Variants in WDFY4 observed in about 807,000 individuals in gnomAD.
WDFY4 encodes the protein WD repeat- and FYVE domain-containing protein 4.
A neutral mutation model predicts 351.9 loss-of-function variants in WDFY4; 169 were observed. The observed-to-expected ratio is 0.48, with a 90% CI of 0.42 to 0.55. The LOEUF (loss-of-function observed/expected upper bound fraction) is 0.55. WDFY4 is among the 20% of genes least tolerant of loss of function. The pLI, the probability that WDFY4 is intolerant of heterozygous loss-of-function variation, is 0.00. For synonymous variants in WDFY4, 1,622 were observed against 1,574.6 expected (o/e 1.03, Z -0.71); for missense variants, 3,803 against 3,935.6 (o/e 0.97, Z 0.90).
intron 57 of WDFY4, among the ~76,000 whole-genome samples, chr10:48,974,167 T>C (rs1335682372): frequency 1.3e-5 from 2 of 152,114 alleles, no homozygotes; most frequent in Non-Finnish European, 2.9e-5. Context: ...AGCCTGCTGG[T>C]GTGGGCACCA....
intron 47 of WDFY4, among the ~76,000 whole-genome samples, chr10:48,931,728 A>C (rs1054606347): frequency 2.0e-5 from 3 of 152,226 alleles, no homozygotes; most frequent in Admixed American, 2.0e-4. Context: ...TTCTGTAGAA[A>C]CTTTTCCTAA....
At chr10:48,820,526 G>A in intron 33 of WDFY4, 89 bp downstream of exon 33, 2 of 1,401,266 alleles carry the variant, frequency 1.4e-6, no homozygotes, top group South Asian at 1.4e-5. Flanking sequence ...CAGGGAGACA[G>A]AGGGCCTGGG....
chr10:48,791,633 G>T (rs1368985352), intron 23 of WDFY4, among the ~76,000 whole-genome samples: 1 of 152,200 alleles, frequency 6.6e-6, no homozygotes, highest in Non-Finnish European at 1.5e-5. Context: ...GATGAGACAT[G>T]GCCACTGCCC....
At chr10:48,824,279 CTT>C in intron 35 of WDFY4, 2 of 761,798 alleles carry the variant, frequency 2.6e-6, no homozygotes, top group Non-Finnish European at 1.6e-6. Context: ...AGTGGGGTAA[CTT>C]AGCGTCTATG....
At chr10:48,866,519 T>C (rs1180303653) in intron 39 of WDFY4, among the ~76,000 whole-genome samples, 1 of 152,208 alleles carries the variant, frequency 6.6e-6, no homozygotes, top group Non-Finnish European at 1.5e-5. Context: ...TTTTGAGCTA[T>C]TTGAAAATTT....
chr10:48,706,750 T>G (rs906225123), intron 1 of WDFY4, among the ~76,000 whole-genome samples: 3 of 152,234 alleles, frequency 2.0e-5, no homozygotes, highest in African/African-American at 7.2e-5. Context: ...GATTTGTTAT[T>G]TTATCATGAA....
chr10:48,939,296 C>A (rs1032133141), intron 47 of WDFY4, among the ~76,000 whole-genome samples: 3 of 152,234 alleles, frequency 2.0e-5, no homozygotes, highest in Non-Finnish European at 4.4e-5. Context: ...TTGAGTAGCT[C>A]CGTGCCCACA....
At chr10:48,741,467 A>G (rs2064848392) in intron 11 of WDFY4, among the ~76,000 whole-genome samples, 1 of 151,146 alleles carries the variant, frequency 6.6e-6, no homozygotes, top group Admixed American at 6.6e-5. Context: ...AAAAAAAAAA[A>G]AAAAAAAAAA....
Position 48,731,397 on chromosome 10 carries a change from C to A in WDFY4, c.1417C>A (p.Leu473Met). The change falls in exon 9 of 62, where the codon CTG (leucine) becomes ATG (methionine). Residue 473 changes from leucine (L) to methionine (M), a missense_variant. Around this residue, in one of 3 missense-constraint regions of WDFY4, gnomAD observed 261 missense variants for 330.2 expected, o/e 0.79. Coordinates refer to ENST00000325239, the MANE Select transcript of WDFY4 (RefSeq NM_001394531.1). Reference protein sequence around the residue: ...PHEILRKVQHLIKESPGPSCT... With the variant: ...PHEILRKVQHMIKESPGPSCT... ...TGAGATCCTGCGAAAGGTACAGCATCTGATCAAGGAGAGCCCTGGGCCATC... is the reference window on the plus strand; with the variant it reads ...TGAGATCCTGCGAAAGGTACAGCATATGATCAAGGAGAGCCCTGGGCCATC... The A allele has an allele frequency of 6.4e-7, 1 of 1,551,756 alleles. No individual in the cohort carries two copies. The highest frequency in any genetic ancestry group is 8.7e-7 in the Non-Finnish European group (1 of 1,147,012).
At chr10:48,718,241 G>T in intron 2 of WDFY4, among the ~76,000 whole-genome samples, 1 of 151,818 alleles carries the variant, frequency 6.6e-6, no homozygotes, top group East Asian at 1.9e-4. Context: ...TCTATTTTTA[G>T]GAGTCTGGAT....
At chr10:48,912,719 G>A (rs1838121361) in intron 47 of WDFY4, among the ~76,000 whole-genome samples, 1 of 152,240 alleles carries the variant, frequency 6.6e-6, no homozygotes, top group South Asian at 2.1e-4. Flanking sequence ...AACACTGAAT[G>A]TAATAGGATG....
At chr10:48,715,486 A>G (rs780345768) in intron 2 of WDFY4, among the ~76,000 whole-genome samples, 4 of 152,248 alleles carry the variant, frequency 2.6e-5, no homozygotes, top group Non-Finnish European at 5.9e-5. Flanking sequence ...TCCTAGGCTG[A>G]CTACTAAGCC....
intron 2 of WDFY4, among the ~76,000 whole-genome samples, chr10:48,718,039 C>T (rs933698729): frequency 6.6e-6 from 1 of 152,302 alleles, no homozygotes; most frequent in Admixed American, 6.5e-5. Flanking sequence ...TGTGATTCCC[C>T]CCATTCTCCT....
At chr10:48,918,253 G>T (rs1838730972) in intron 47 of WDFY4, among the ~76,000 whole-genome samples, 1 of 152,152 alleles carries the variant, frequency 6.6e-6, no homozygotes, top group African/African-American at 2.4e-5. Context: ...TTAAGTGAAA[G>T]TGACCTACAT....
chr10:48,721,368 G>T lies in WDFY4; in HGVS notation c.456+1G>T. 1 of 1,551,586 alleles carries T rather than the reference G, an allele frequency of 6.4e-7. No homozygotes were observed. On this transcript the variant is annotated splice_donor_variant, in intron 4 of 61. Transcript: ENST00000325239. LOFTEE classifies it high-confidence loss of function. ...GTACGTGCTCACGGGGACAGACTCG[G>T]TAAGTTTCAGACCATCAGCCTCTGC...
chr10:48,869,838 A>G (rs777513872), intron 40 of WDFY4, among the ~76,000 whole-genome samples: 2 of 152,108 alleles, frequency 1.3e-5, no homozygotes, highest in Non-Finnish European at 2.9e-5. Flanking sequence ...TAGGGCCTCT[A>G]GTTTTCTTCT....
At chr10:48,732,688 G>A (rs2132346988) in intron 9 of WDFY4, among the ~76,000 whole-genome samples, 1 of 152,356 alleles carries the variant, frequency 6.6e-6, no homozygotes, top group East Asian at 1.9e-4. Context: ...TTGGAATGTT[G>A]TGAGATTTTA....
intron 39 of WDFY4, among the ~76,000 whole-genome samples, chr10:48,839,602 T>G (rs1229383347): frequency 6.6e-6 from 1 of 152,126 alleles, no homozygotes; most frequent in Non-Finnish European, 1.5e-5. Flanking sequence ...CCAGCTTGTA[T>G]CCACAGATCA....
intron 44 of WDFY4, among the ~76,000 whole-genome samples, chr10:48,893,806 C>T (rs566672854): frequency 6.6e-6 from 1 of 152,336 alleles, no homozygotes; most frequent in East Asian, 1.9e-4. Flanking sequence ...TCATAACTAT[C>T]ATTTATCTCA....
Sources: gnomAD v4.1 joint callset for allele counts (sites outside exome capture counted in the v4.1 genomes callset) on GRCh38, gnomAD v4.1.1 for gene constraint, gnomAD v4.1.1 regional missense constraint, MANE v1.5 for transcripts, NCBI Gene and HGNC (gene_info 2026-07-23, HGNC 2026-07-21) for gene names.